The following FSD1L variants were observed in gnomAD, a reference collection of about 807,000 sequenced individuals.
FSD1L encodes fibronectin type III and SPRY domain containing 1 like.
A neutral mutation model predicts 71.6 loss-of-function variants in FSD1L; 45 were observed. That is an observed-to-expected ratio of 0.63 (90% CI 0.49 to 0.81). The LOEUF (loss-of-function observed/expected upper bound fraction) is 0.81, where lower values mean the gene tolerates loss of function less well. Among genes scored for constraint, FSD1L ranks in the 30% least tolerant of loss-of-function variants. The probability of loss-of-function intolerance (pLI) is 0.00; values close to 1 mark genes in which losing one functional copy is unlikely to be tolerated. For missense variants in FSD1L, 561 were observed against 618.1 expected, an observed-to-expected ratio of 0.91 and a Z score of 0.98; for synonymous variants, 197 against 207.2, an observed-to-expected ratio of 0.95 and a Z score of 0.42.
At chr9:105,463,438 G>A (rs1830852763) in intron 2 of FSD1L, among the ~76,000 whole-genome samples, 1 of 152,132 alleles carries the variant, frequency 6.6e-6, no homozygotes, top group East Asian at 1.9e-4. Flanking sequence ...CTAGACTTGT[G>A]CTGTCCAATA....
intron 3 of FSD1L, among the ~76,000 whole-genome samples, chr9:105,465,305 T>C (rs952523113): frequency 6.6e-6 from 1 of 152,198 alleles, no homozygotes; most frequent in African/African-American, 2.4e-5. Context: ...CTGATGGTTT[T>C]ACCACTGAAA....
intron 1 of FSD1L, 32 bp downstream of exon 1, chr9:105,448,267 A>T: frequency 6.7e-7 from 1 of 1,503,696 alleles, no homozygotes; most frequent in Non-Finnish European, 8.9e-7. Context: ...GGGGCTACCG[A>T]GACAAGCCGG....
At chr9:105,470,680 A>G (rs769450218) in intron 4 of FSD1L, among the ~76,000 whole-genome samples, 8 of 152,122 alleles carry the variant, frequency 5.3e-5, no homozygotes, top group African/African-American at 9.7e-5. Context: ...TAAAAGCACA[A>G]TTTCCAAGGA....
In FSD1L at chr9:105,454,021, C is replaced by T. The variant is rs141551462; in HGVS notation, c.15+5786C>T. Among the ~76,000 whole-genome samples, 57 of 152,164 alleles carry T rather than the reference C, an allele frequency of 3.7e-4. No homozygotes were observed. The East Asian group carries it at 5.0e-3, about 13-fold the overall frequency. On this transcript the variant is annotated intron_variant, in intron 1 of 13. Transcript: ENST00000481272. ...AACTAATTTATTAAAAAAGTATTAACGTAGCCAGCTTTTGCATTTCTATTG... is the reference window on the plus strand; with the variant it reads ...AACTAATTTATTAAAAAAGTATTAATGTAGCCAGCTTTTGCATTTCTATTG...
intron 7 of FSD1L, among the ~76,000 whole-genome samples, chr9:105,485,333 A>G (rs1296903955): frequency 6.7e-6 from 1 of 150,262 alleles, no homozygotes; most frequent in Non-Finnish European, 1.5e-5. Context: ...AAGGCAAAAC[A>G]AGAGAGTTAA....
chr9:105,464,035 G>C (rs148421931), intron 2 of FSD1L, among the ~76,000 whole-genome samples: 67 of 152,214 alleles, frequency 4.4e-4, no homozygotes, highest in African/African-American at 1.5e-3. Context: ...TTAGGAATAA[G>C]AGGGCTTAAT....
In FSD1L at chr9:105,484,421, A is replaced by G; in HGVS notation, c.505A>G (p.Lys169Glu). Residue 169 changes from lysine (K) to glutamate (E), a missense_variant, in exon 7 of 14, where the codon AAG becomes GAG. Lys to Glu is a moderately conservative substitution (Grantham distance 56). Transcript: ENST00000481272. ...AGCCTTTCGCCTTTCTTTGAAACCAAAGGTCAGTGACAACATGACTCATTT... is the reference window on the plus strand; with the variant it reads ...AGCCTTTCGCCTTTCTTTGAAACCAGAGGTCAGTGACAACATGACTCATTT... ...ASAFRLSLKP[K>E]VSDNMTHLMV... The G allele has an allele frequency of 6.5e-7, 1 of 1,527,548 alleles. No individual in the cohort carries two copies. The highest frequency in any genetic ancestry group is 1.3e-5 in the South Asian group (1 of 78,886). The allele number at this position is 1,527,548 out of a possible 1,614,324, so 94.6% of individuals were successfully genotyped here.
chr9:105,513,768 TAGA>T, intron 10 of FSD1L: 2 of 586,044 alleles, frequency 3.4e-6, no homozygotes, highest in South Asian at 2.4e-5. Context: ...CTGCTCTGTG[TAGA>T]CTGTATTGGT....
At chr9:105,474,162 G>A (rs1417576513) in intron 5 of FSD1L, among the ~76,000 whole-genome samples, 1 of 152,156 alleles carries the variant, frequency 6.6e-6, no homozygotes, top group African/African-American at 2.4e-5. Context: ...TACCTCAGTT[G>A]TATTGTATAG....
At position 105,448,254 on chromosome 9, in the gene FSD1L, C is replaced by A; in HGVS notation, c.15+19C>A. On this transcript the variant is annotated intron_variant, in intron 1 of 13. Coordinates refer to ENST00000481272, the MANE Select transcript of FSD1L (RefSeq NM_001145313.3). ...CCAGAAAGTAAGCGGGGGAGGGGAG[C>A]CCGGGGCTACCGAGACAAGCCGGGC... The A allele has an allele frequency of 6.5e-7, 1 of 1,532,092 alleles. No homozygotes were observed. Among genetic ancestry groups the A allele is most frequent in the East Asian group, 2.6e-5 (1 of 38,474 alleles). 94.9% of individuals were successfully genotyped at this position (1,532,092 alleles called of 1,614,324 possible).
At chr9:105,447,037 G>A (rs920488495), upstream of FSD1L, among the ~76,000 whole-genome samples, 1 of 151,908 alleles carries the variant, frequency 6.6e-6, no homozygotes, top group Non-Finnish European at 1.5e-5. Flanking sequence ...ACTATAATGG[G>A]CCTGGCACAT....
intron 10 of FSD1L, chr9:105,522,979 G>A: frequency 1.2e-6 from 2 of 1,614,056 alleles, no homozygotes; most frequent in South Asian, 2.2e-5. Context: ...AGCTCAGATA[G>A]TCATTCGGAT....
chr9:105,456,445 C>G (rs1280590468), intron 1 of FSD1L, among the ~76,000 whole-genome samples: 1 of 152,178 alleles, frequency 6.6e-6, no homozygotes, highest in Non-Finnish European at 1.5e-5. Context: ...CCAAAGTGCT[C>G]TTTTGCTCAG....
At chr9:105,514,379 C>T (rs117876996) in intron 10 of FSD1L, among the ~76,000 whole-genome samples, 3,012 of 152,186 alleles carry the variant, frequency 0.02, 39 homozygotes, top group Non-Finnish European at 0.033. Context: ...GGCTACTTGT[C>T]GAATGTTATA....
At chr9:105,522,026 A>T in intron 10 of FSD1L, 1 of 1,613,070 alleles carries the variant, frequency 6.2e-7, no homozygotes, top group South Asian at 1.1e-5. Flanking sequence ...GAGTCACGGA[A>T]TCTGTACTGA....
chr9:105,450,855 C>G (rs1160197413), intron 1 of FSD1L, among the ~76,000 whole-genome samples: 1 of 151,988 alleles, frequency 6.6e-6, no homozygotes, highest in African/African-American at 2.4e-5. Flanking sequence ...ATTTTTAAAA[C>G]CCACTAAACA....
At chr9:105,472,162 C>G (rs1352795409) in intron 5 of FSD1L, 157 bp downstream of exon 5, 1 of 852,738 alleles carries the variant, frequency 1.2e-6, no homozygotes, top group Admixed American at 4.3e-5. Flanking sequence ...TCATTTATTC[C>G]AAAGCAAACA....
At position 105,469,476 on chromosome 9, in the gene FSD1L, A is replaced by G. The variant is rs541866686; in HGVS notation, c.339+1152A>G. ...TAGTGGCCATCATAATGGGTATGACATGATATTTCATTACAGTTTTGATTT... is the reference window on the plus strand; with the variant it reads ...TAGTGGCCATCATAATGGGTATGACGTGATATTTCATTACAGTTTTGATTT... On this transcript the variant is annotated intron_variant, in intron 4 of 13. Transcript: ENST00000481272. Among the ~76,000 whole-genome samples the G allele has an allele frequency of 1.6e-4, 24 of 151,972 alleles. No homozygotes were observed. The South Asian group carries it at 4.4e-3, about 28-fold the overall frequency.
chr9:105,481,177 GT>G, intron 6 of FSD1L, among the ~76,000 whole-genome samples: 3 of 98,516 alleles, frequency 3.0e-5, no homozygotes, highest in Non-Finnish European at 4.4e-5. Flanking sequence ...GTGTGTGTGT[GT>G]GGTTCTTTTT....
Sources: allele counts gnomAD v4.1 joint callset (sites outside exome capture counted in the v4.1 genomes callset), GRCh38; gene constraint gnomAD v4.1.1; transcripts MANE v1.5; gene names NCBI Gene and HGNC (gene_info 2026-07-23, HGNC 2026-07-21).